Variants in IL1RAPL2 observed in about 807,000 individuals in gnomAD.
The protein encoded by IL1RAPL2 is interleukin 1 receptor accessory protein like 2.
IL1RAPL2 carries 3 observed loss-of-function variants against 44.1 expected under a neutral mutation model. That is an observed-to-expected ratio of 0.07 (90% CI 0.03 to 0.18). The LOEUF is 0.18. Among genes scored for constraint, IL1RAPL2 ranks in the 10% least tolerant of loss-of-function variants. The pLI is 1.00. For missense variants in IL1RAPL2, 391 were observed against 496.4 expected (o/e 0.79, Z 2.02); for synonymous variants, 181 against 178.8 (o/e 1.01, Z -0.10).
At chrX:105,579,149 C>T (rs1382394147) in intron 6 of IL1RAPL2, among the ~76,000 whole-genome samples, 1 of 111,359 alleles carries the variant, frequency 9.0e-6, no homozygotes, top group African/African-American at 3.3e-5. Flanking sequence ...GATATTTTTC[C>T]CTGCAACTAA....
At chrX:105,075,735 A>C (rs1569375429) in intron 2 of IL1RAPL2, among the ~76,000 whole-genome samples, 1 of 112,057 alleles carries the variant, frequency 8.9e-6, no homozygotes, top group Non-Finnish European at 1.9e-5. Flanking sequence ...TTATTGGTCT[A>C]TTCAGAGATT....
chrX:105,145,983 G>A (rs141419077), intron 2 of IL1RAPL2, among the ~76,000 whole-genome samples: 1 of 111,037 alleles, frequency 9.0e-6, no homozygotes, highest in African/African-American at 3.3e-5. Flanking sequence ...CATAAAAGAG[G>A]CCTCAGGGAG....
chrX:104,917,300 AG>A (rs1276376651), intron 2 of IL1RAPL2, among the ~76,000 whole-genome samples: 1 of 111,967 alleles, frequency 8.9e-6, no homozygotes, highest in Non-Finnish European at 1.9e-5. Flanking sequence ...AGAATCTGAA[AG>A]GCTCAAAGTC....
chrX:105,661,629 G>T (rs1602507472), intron 6 of IL1RAPL2, among the ~76,000 whole-genome samples: 1 of 111,904 alleles, frequency 8.9e-6, no homozygotes, highest in Admixed American at 9.5e-5. Flanking sequence ...GGAATTTGGG[G>T]AACTATAAAA....
Position 105,332,817 on chromosome X carries a change from A to G in IL1RAPL2, c.697+65276A>G, listed in dbSNP as rs748861197. ...ACCTAGGAATTAACCAAATAAGTAG[A>G]AGTTCTCCGTAATGAAAACTGCAAA... On this transcript the variant is annotated intron_variant, in intron 5 of 10. Coordinates refer to ENST00000372582, the MANE Select transcript of IL1RAPL2 (RefSeq NM_017416.2). Among the ~76,000 whole-genome samples the G allele has an allele frequency of 7.1e-4, 79 of 111,739 alleles. 1 individual carries two copies. Among genetic ancestry groups the G allele is most frequent in the African/African-American group, 2.1e-3 (64 of 30,841 alleles).
chrX:104,852,501 C>T (rs1186145771), intron 2 of IL1RAPL2, among the ~76,000 whole-genome samples: 1 of 111,972 alleles, frequency 8.9e-6, no homozygotes, highest in Non-Finnish European at 1.9e-5. Context: ...TAGCCTCCTC[C>T]AGTTCTATTT....
intron 6 of IL1RAPL2, among the ~76,000 whole-genome samples, chrX:105,605,599 T>C (rs1338288540): frequency 1.8e-5 from 2 of 111,811 alleles, no homozygotes; most frequent in Non-Finnish European, 3.8e-5. Context: ...TTTTTAAAAT[T>C]GTAACATTTG....
intron 2 of IL1RAPL2, among the ~76,000 whole-genome samples, chrX:104,959,051 T>C (rs1055288855): frequency 1.8e-5 from 2 of 111,313 alleles, no homozygotes; most frequent in Non-Finnish European, 3.8e-5. Context: ...TAGGGAGTTT[T>C]AAGAGAAATT....
At chrX:105,012,674 C>CACACACACACAG (rs1258556672) in intron 2 of IL1RAPL2, among the ~76,000 whole-genome samples, 3 of 81,272 alleles carry the variant, frequency 3.7e-5, no homozygotes, top group African/African-American at 1.8e-4. Flanking sequence ...CACACACACA[C>CACACACACACAG]AGAGAGAGAG....
chrX:104,804,046 G>A lies in IL1RAPL2; in HGVS notation c.82+145051G>A, dbSNP rs546854831. The A allele has an allele frequency of 4.4e-5, 5 of 114,885 alleles. 1 individual carries two copies. The South Asian group carries it at 1.5e-3, about 35-fold the overall frequency. The allele number at this position is 114,885 out of a possible 1,213,427, so 9.5% of individuals were successfully genotyped here. On this transcript the variant is annotated intron_variant, in intron 2 of 10. Coordinates refer to ENST00000372582, the MANE Select transcript of IL1RAPL2 (RefSeq NM_017416.2). ...ATGTCATTGCCAAGTCCCGCTTCTG[G>A]TACTTTGTATCTCAGCTAAAGAAGA...
intron 2 of IL1RAPL2, among the ~76,000 whole-genome samples, chrX:105,003,608 G>C (rs2030890856): frequency 9.0e-6 from 1 of 110,797 alleles, no homozygotes; most frequent in African/African-American, 3.3e-5. Context: ...GATTTCTCTG[G>C]AGCAAGTTTC....
At chrX:104,917,518 G>A in intron 2 of IL1RAPL2, among the ~76,000 whole-genome samples, 1 of 111,623 alleles carries the variant, frequency 9.0e-6, no homozygotes. Context: ...CAAATTGATT[G>A]TGGGTTCTAA....
chrX:105,277,671 A>G (rs755796621), intron 5 of IL1RAPL2, among the ~76,000 whole-genome samples: 1 of 111,428 alleles, frequency 9.0e-6, no homozygotes, highest in Non-Finnish European at 1.9e-5. Context: ...TCAATTCTGT[A>G]ACTCATAGGC....
At chrX:104,855,151 G>C (rs945230807) in intron 2 of IL1RAPL2, among the ~76,000 whole-genome samples, 2 of 111,902 alleles carry the variant, frequency 1.8e-5, no homozygotes. Context: ...CTAAAGGACT[G>C]ACCTCTGCCC....
chrX:104,814,779 G>A lies in IL1RAPL2; in HGVS notation c.82+155784G>A, dbSNP rs746216663. ...GGCAGTCTGCATTATACAAGAATGCGCTTGCCTTATTTCTACATCAAAGAA... is the reference window on the plus strand; with the variant it reads ...GGCAGTCTGCATTATACAAGAATGCACTTGCCTTATTTCTACATCAAAGAA... On this transcript the variant is annotated intron_variant, in intron 2 of 10. Coordinates refer to ENST00000372582, the MANE Select transcript of IL1RAPL2 (RefSeq NM_017416.2). 1.5e-3 allele frequency among the ~76,000 whole-genome samples: 167 copies of A among 112,120 alleles called. 1 individual carries two copies. The highest frequency in any genetic ancestry group is 5.0e-3 in the African/African-American group (155 of 30,902).
intron 5 of IL1RAPL2, among the ~76,000 whole-genome samples, chrX:105,443,702 T>TAGTA (rs1421526269): frequency 8.9e-6 from 1 of 112,346 alleles, no homozygotes; most frequent in Non-Finnish European, 1.9e-5. Context: ...TATGGCTGAA[T>TAGTA]AGTACTCCAT....
At chrX:104,747,941 A>G (rs1932203029) in intron 2 of IL1RAPL2, among the ~76,000 whole-genome samples, 1 of 111,676 alleles carries the variant, frequency 9.0e-6, no homozygotes, top group Non-Finnish European at 1.9e-5. Flanking sequence ...ACATAGAGAC[A>G]TGGGTCTCCT....
chrX:105,066,117 G>A (rs765016277), intron 2 of IL1RAPL2, among the ~76,000 whole-genome samples: 1 of 111,099 alleles, frequency 9.0e-6, no homozygotes, highest in African/African-American at 3.3e-5. Context: ...AGAAATGAAA[G>A]GCTTTCTGTT....
At chrX:105,534,182 G>T (rs894369497) in intron 6 of IL1RAPL2, among the ~76,000 whole-genome samples, 36 of 111,641 alleles carry the variant, frequency 3.2e-4, no homozygotes, top group African/African-American at 1.1e-3. Context: ...AAATTCAATT[G>T]TTACACTCTT....
Sources: allele counts gnomAD v4.1 joint callset (sites outside exome capture counted in the v4.1 genomes callset), GRCh38; gene constraint gnomAD v4.1.1; transcripts MANE v1.5; gene names NCBI Gene and HGNC (gene_info 2026-07-23, HGNC 2026-07-21).